Variants in TENM3 observed in about 807,000 individuals in gnomAD.
The protein encoded by TENM3 is teneurin-3.
A neutral mutation model predicts 255.1 loss-of-function variants in TENM3; 63 were observed. That is an observed-to-expected ratio of 0.25 (90% CI 0.20 to 0.30). TENM3 has a LOEUF of 0.30. Among genes scored for constraint, TENM3 ranks in the 10% least tolerant of loss-of-function variants. The pLI is 1.00. For missense variants in TENM3, 2,929 were observed against 3,461.1 expected (o/e 0.85, Z 3.86); for synonymous variants, 1,306 against 1,322.3 (o/e 0.99, Z 0.27).
At chr4:181,756,068 C>G in the TENM3 span, among the ~76,000 whole-genome samples, 2 of 152,106 alleles carry the variant, frequency 1.3e-5, no homozygotes. Context: ...GAGTTGGCCA[C>G]TGACCAAGAA....
intron 3 of TENM3, among the ~76,000 whole-genome samples, chr4:182,417,134 C>T (rs1485259226): frequency 2.6e-5 from 4 of 151,992 alleles, no homozygotes; most frequent in Non-Finnish European, 4.4e-5. Flanking sequence ...CCACCACGCC[C>T]AGCTAATTTT....
At chr4:181,925,671 C>T in the TENM3 span, among the ~76,000 whole-genome samples, 17 of 152,174 alleles carry the variant, frequency 1.1e-4, no homozygotes, top group African/African-American at 2.4e-4. Flanking sequence ...GCAACTTTGC[C>T]GCCATTAATA....
At chr4:181,447,742 C>T in the TENM3 span, among the ~76,000 whole-genome samples, 7 of 152,096 alleles carry the variant, frequency 4.6e-5, no homozygotes, top group Admixed American at 3.3e-4. Context: ...CCTGGAGTTC[C>T]GGAGCGGCTT....
intron 3 of TENM3, among the ~76,000 whole-genome samples, chr4:182,348,306 AT>A (rs1386181170): frequency 6.6e-6 from 1 of 152,148 alleles, no homozygotes; most frequent in Non-Finnish European, 1.5e-5. Context: ...CAGTTAATCC[AT>A]TCACCTCAGT....
chr4:182,219,317 G>C (rs746207253), intron 1 of TENM3, among the ~76,000 whole-genome samples: 1 of 152,166 alleles, frequency 6.6e-6, no homozygotes, highest in African/African-American at 2.4e-5. Flanking sequence ...ATTTCTCCTA[G>C]TTTGAAGGTT....
the TENM3 span, among the ~76,000 whole-genome samples, chr4:181,943,817 A>C: frequency 1.3e-5 from 2 of 152,114 alleles, no homozygotes; most frequent in African/African-American, 4.8e-5. Flanking sequence ...CAATTATTCA[A>C]TTTTTTGGTC....
At chr4:181,541,366 C>T in the TENM3 span, among the ~76,000 whole-genome samples, 1 of 152,094 alleles carries the variant, frequency 6.6e-6, no homozygotes, top group Non-Finnish European at 1.5e-5. Flanking sequence ...GCCTAGGTGA[C>T]AGAGCGAGAT....
chr4:182,638,584 G>A (rs1581179872), intron 5 of TENM3, among the ~76,000 whole-genome samples: 1 of 152,156 alleles, frequency 6.6e-6, no homozygotes, highest in East Asian at 1.9e-4. Flanking sequence ...ATAATACTAA[G>A]ATATTTTCTG....
the TENM3 span, among the ~76,000 whole-genome samples, chr4:181,702,915 G>A: frequency 6.6e-6 from 1 of 151,950 alleles, no homozygotes; most frequent in African/African-American, 2.4e-5. Context: ...AATTGTCCCT[G>A]GCCAGTATGA....
chr4:182,630,117 G>C (rs1751223514), intron 5 of TENM3, among the ~76,000 whole-genome samples: 2 of 152,118 alleles, frequency 1.3e-5, no homozygotes, highest in African/African-American at 4.8e-5. Context: ...CCAGTCAGAG[G>C]TAAAAGCAAG....
the TENM3 span, among the ~76,000 whole-genome samples, chr4:181,872,355 T>C: frequency 7.8e-6 from 1 of 128,472 alleles, no homozygotes; most frequent in African/African-American, 2.8e-5. Flanking sequence ...GGGGTACATG[T>C]GCAGGTTCGT....
the TENM3 span, among the ~76,000 whole-genome samples, chr4:181,767,480 A>G: frequency 1.3e-5 from 2 of 152,124 alleles, no homozygotes; most frequent in Admixed American, 1.3e-4. Flanking sequence ...CCTGCAAGGA[A>G]TAAATACATT....
At chr4:181,887,229 G>T in the TENM3 span, among the ~76,000 whole-genome samples, 2 of 150,500 alleles carry the variant, frequency 1.3e-5, no homozygotes, top group African/African-American at 4.9e-5. Flanking sequence ...AAATTATATG[G>T]CTATCTTTAC....
At chr4:182,335,175 C>T (rs1190426144) in intron 2 of TENM3, among the ~76,000 whole-genome samples, 1 of 151,494 alleles carries the variant, frequency 6.6e-6, no homozygotes, top group African/African-American at 2.4e-5. Context: ...CTTTTCAGAG[C>T]TGTTATACTT....
rs547927829 is a variant in TENM3 at position 182,185,805 on chromosome 4, G to A, written c.-76+41051G>A. The stretch of plus-strand genomic sequence containing the variant: ...TTCACTGAGTAAAACTTGACCTCTT[G>A]TAATAGTGCATACGCTTCGCAGTGT... On this transcript the variant is annotated intron_variant, in intron 1 of 2. Transcript: ENST00000512480. Among the ~76,000 whole-genome samples the A allele has an allele frequency of 5.9e-5, 9 of 152,302 alleles. 1 individual carries two copies. Among genetic ancestry groups the A allele is most frequent in the African/African-American group, 2.2e-4 (9 of 41,560 alleles).
chr4:182,392,282 C>T (rs1768483063), intron 3 of TENM3, among the ~76,000 whole-genome samples: 1 of 152,110 alleles, frequency 6.6e-6, no homozygotes, highest in Admixed American at 6.5e-5. Context: ...CTGGTATCAC[C>T]GGGGAGAGGG....
the TENM3 span, among the ~76,000 whole-genome samples, chr4:181,630,104 G>T: frequency 6.6e-6 from 1 of 152,150 alleles, no homozygotes; most frequent in Non-Finnish European, 1.5e-5. Context: ...ATTTCTTCTG[G>T]ATTTTCTAGT....
chr4:182,488,805 T>G (rs966893698), intron 3 of TENM3, among the ~76,000 whole-genome samples: 4 of 152,132 alleles, frequency 2.6e-5, no homozygotes, highest in African/African-American at 9.7e-5. Context: ...AATTTACGTG[T>G]GTTTATGAAA....
chr4:181,588,558 A>G, the TENM3 span, among the ~76,000 whole-genome samples: 1 of 152,194 alleles, frequency 6.6e-6, no homozygotes, highest in Non-Finnish European at 1.5e-5. Context: ...TAGTACACGT[A>G]GTTCAGGAAT....
Sources: gnomAD v4.1 joint callset for allele counts (sites outside exome capture counted in the v4.1 genomes callset) on GRCh38, gnomAD v4.1.1 for gene constraint, MANE v1.5 for transcripts, NCBI Gene and HGNC (gene_info 2026-07-23, HGNC 2026-07-21) for gene names.